The following UNC5C variants were observed in gnomAD, a reference collection of about 807,000 sequenced individuals.
The protein encoded by UNC5C is unc-5 netrin receptor C.
UNC5C carries 47 observed loss-of-function variants against 99.8 expected under a neutral mutation model. The observed-to-expected ratio is 0.47, with a 90% CI of 0.37 to 0.60. The LOEUF (loss-of-function observed/expected upper bound fraction) is 0.60, where lower values mean the gene tolerates loss of function less well. UNC5C is among the 20% of genes least tolerant of loss of function. UNC5C has a pLI of 0.00. For synonymous variants in UNC5C, 487 were observed against 452.2 expected, an observed-to-expected ratio of 1.08 and a Z score of -0.98; for missense variants, 1,062 against 1,165.9, an observed-to-expected ratio of 0.91 and a Z score of 1.30.
chr4:95,256,476 G>A lies in UNC5C; in HGVS notation c.595-5809C>T, dbSNP rs375336031. On this transcript the variant is annotated intron_variant, in intron 4 of 15. Coordinates refer to ENST00000453304, the MANE Select transcript of UNC5C (RefSeq NM_003728.4). ...TTCAATGTTAGAGCAGCACACATTA[G>A]GAATTGGACCACTTCTCATTCCCTC... Among the ~76,000 whole-genome samples, 4 of 151,908 alleles carry A rather than the reference G, an allele frequency of 2.6e-5. No individual in the cohort carries two copies. In the South Asian group the frequency reaches 6.2e-4, roughly 24 times the overall value.
chr4:95,480,762 T>A (rs1041299319), intron 1 of UNC5C, among the ~76,000 whole-genome samples: 1 of 152,038 alleles, frequency 6.6e-6, no homozygotes, highest in East Asian at 1.9e-4. Flanking sequence ...AAAAACCACA[T>A]GATTATCTCA....
chr4:95,227,110 C>G (rs1414150931), intron 7 of UNC5C, among the ~76,000 whole-genome samples: 1 of 150,952 alleles, frequency 6.6e-6, no homozygotes, highest in Non-Finnish European at 1.5e-5. Context: ...AGGGTAACTG[C>G]TTATAACCTA....
At chr4:95,398,093 T>C (rs1745576580) in intron 1 of UNC5C, among the ~76,000 whole-genome samples, 1 of 133,374 alleles carries the variant, frequency 7.5e-6, no homozygotes, top group Non-Finnish European at 1.5e-5. Context: ...GTGGATAACA[T>C]ACATCCTTGC....
chr4:95,328,942 C>T (rs1743009104), intron 2 of UNC5C, among the ~76,000 whole-genome samples: 1 of 152,120 alleles, frequency 6.6e-6, no homozygotes, highest in Non-Finnish European at 1.5e-5. Context: ...CCTGCATGCT[C>T]CCCCTCTCGA....
intron 1 of UNC5C, among the ~76,000 whole-genome samples, chr4:95,462,953 G>T (rs1747648840): frequency 6.6e-6 from 1 of 152,132 alleles, no homozygotes; most frequent in African/African-American, 2.4e-5. Flanking sequence ...ATCTTTGAGG[G>T]TGACAGTGTC....
In UNC5C at chr4:95,508,737, A is replaced by G. The variant is rs189022534; in HGVS notation, c.124+39997T>C. On this transcript the variant is annotated intron_variant, in intron 1 of 15. Transcript: ENST00000453304. ...AGTTTCTAGAAAAAGGAATCCTCAA[A>G]TAACTTGAGAATGAGCTGTATGTTA... Among the ~76,000 whole-genome samples, 498 of 152,080 alleles carry G rather than the reference A, an allele frequency of 3.3e-3. 1 individual carries two copies. The highest frequency in any genetic ancestry group is 0.012 in the African/African-American group (485 of 41,538).
At chr4:95,411,483 GT>G (rs1329650409) in intron 1 of UNC5C, among the ~76,000 whole-genome samples, 1 of 152,166 alleles carries the variant, frequency 6.6e-6, no homozygotes, top group African/African-American at 2.4e-5. Flanking sequence ...TCTTTTAGAA[GT>G]TCCTGCAGGA....
At chr4:95,273,075 C>A (rs146018800) in intron 4 of UNC5C, among the ~76,000 whole-genome samples, 22 of 152,218 alleles carry the variant, frequency 1.4e-4, no homozygotes, top group Non-Finnish European at 2.6e-4. Context: ...CTGTTTATCA[C>A]GACTATACTC....
intron 1 of UNC5C, among the ~76,000 whole-genome samples, chr4:95,355,828 T>C (rs1744163211): frequency 6.6e-6 from 1 of 152,120 alleles, no homozygotes; most frequent in Admixed American, 6.6e-5. Context: ...TTTTTAAAAA[T>C]ATAAAAGTCA....
chr4:95,261,082 G>A (rs1156947715), intron 4 of UNC5C, among the ~76,000 whole-genome samples: 1 of 152,128 alleles, frequency 6.6e-6, no homozygotes, highest in African/African-American at 2.4e-5. Context: ...CAAGAACCAG[G>A]AGGAGCCAAC....
chr4:95,338,388 A>T (rs1409922964), intron 1 of UNC5C, among the ~76,000 whole-genome samples: 1 of 152,056 alleles, frequency 6.6e-6, no homozygotes, highest in African/African-American at 2.4e-5. Context: ...AATTCTCTTC[A>T]ACTGAAATAA....
At chr4:95,225,060 G>A (rs975303949) in intron 7 of UNC5C, among the ~76,000 whole-genome samples, 2 of 152,102 alleles carry the variant, frequency 1.3e-5, no homozygotes, top group Non-Finnish European at 2.9e-5. Context: ...ACCAGGTCAC[G>A]TCCTGGTGGG....
At position 95,219,978 on chromosome 4, in the gene UNC5C, A is replaced by C; in HGVS notation, c.1300+7T>G. On this transcript the variant is annotated splice_region_variant and intron_variant, in intron 8 of 15. Transcript: ENST00000453304. Reference sequence around the variant, plus strand: ...GTAACAGGGTGTGAAGTGGAATGTCAACTGACCTTGTCTTGCTGCCTTGAT... The same window carrying C: ...GTAACAGGGTGTGAAGTGGAATGTCCACTGACCTTGTCTTGCTGCCTTGAT... 1.2e-6 allele frequency: 2 copies of C among 1,612,572 alleles called. No individual in the cohort carries two copies. The highest frequency in any genetic ancestry group is 1.7e-6 in the Non-Finnish European group (2 of 1,179,058).
intron 1 of UNC5C, among the ~76,000 whole-genome samples, chr4:95,513,221 C>G (rs962388869): frequency 6.6e-6 from 1 of 152,142 alleles, no homozygotes; most frequent in African/African-American, 2.4e-5. Flanking sequence ...GTGGGCTGCT[C>G]TGGTGGGAGA....
chr4:95,289,214 C>G (rs980652860), intron 3 of UNC5C, among the ~76,000 whole-genome samples: 3 of 152,212 alleles, frequency 2.0e-5, no homozygotes, highest in Non-Finnish European at 4.4e-5. Flanking sequence ...CCTCCAGCCC[C>G]TAAATCAGCA....
chr4:95,401,510 TTGCCCA>T (rs1745697225), intron 1 of UNC5C, among the ~76,000 whole-genome samples: 1 of 152,092 alleles, frequency 6.6e-6, no homozygotes, highest in Non-Finnish European at 1.5e-5. Flanking sequence ...GCTTAATATG[TTGCCCA>T]GGTTGGTCTT....
chr4:95,527,149 T>G (rs930761848), intron 1 of UNC5C, among the ~76,000 whole-genome samples: 4 of 152,102 alleles, frequency 2.6e-5, no homozygotes, highest in Non-Finnish European at 4.4e-5. Context: ...ACAAGTTACT[T>G]TTACAATCCA....
intron 3 of UNC5C, among the ~76,000 whole-genome samples, chr4:95,287,825 C>A (rs1230915498): frequency 2.0e-5 from 3 of 152,198 alleles, no homozygotes; most frequent in Non-Finnish European, 4.4e-5. Flanking sequence ...CTTCAAAAAA[C>A]AAACTTAATC....
At chr4:95,184,057 A>G (rs918767209) in intron 13 of UNC5C, among the ~76,000 whole-genome samples, 2 of 152,222 alleles carry the variant, frequency 1.3e-5, no homozygotes, top group Non-Finnish European at 1.5e-5. Flanking sequence ...AGGGAGATTT[A>G]TAGTATTTTA....
Sources: allele counts gnomAD v4.1 joint callset (sites outside exome capture counted in the v4.1 genomes callset), GRCh38; gene constraint gnomAD v4.1.1; transcripts MANE v1.5; gene names NCBI Gene and HGNC (gene_info 2026-07-23, HGNC 2026-07-21).